IL26: variants seen among roughly 807,000 people sequenced by gnomAD.
IL26 encodes the protein interleukin-26.
IL26 carries 23 observed loss-of-function variants against 21.7 expected under a neutral mutation model. The observed-to-expected ratio is 1.06, with a 90% CI of 0.76 to 1.50. The LOEUF is 1.50. IL26 is among the 40% of genes most tolerant of loss of function. The pLI is 0.00. For synonymous variants in IL26, 63 were observed against 67.8 expected (o/e 0.93, Z 0.34); for missense variants, 204 against 196.0 (o/e 1.04, Z -0.24).
chr12:68,203,873 A>G (rs572182231), intron 3 of IL26, among the ~76,000 whole-genome samples: 1 of 152,204 alleles, frequency 6.6e-6, no homozygotes, highest in South Asian at 2.1e-4. Context: ...GCTCAGCTTA[A>G]GGTACAGTTT....
intron 3 of IL26, among the ~76,000 whole-genome samples, chr12:68,209,431 G>A (rs1460778185): frequency 6.6e-6 from 1 of 152,186 alleles, no homozygotes; most frequent in Non-Finnish European, 1.5e-5. Context: ...TTGAGATAAT[G>A]GAGAGTAGGT....
At chr12:68,210,402 C>T (rs912535168) in intron 3 of IL26, among the ~76,000 whole-genome samples, 1 of 82,238 alleles carries the variant, frequency 1.2e-5, no homozygotes, top group Non-Finnish European at 2.4e-5. Context: ...AGCACTAGGA[C>T]ACCAACACAA....
chr12:68,220,067 T>C (rs910013242), intron 3 of IL26, among the ~76,000 whole-genome samples: 2 of 152,078 alleles, frequency 1.3e-5, no homozygotes, highest in East Asian at 3.8e-4. Context: ...AAAAATAGAA[T>C]ACATAGTTTA....
chr12:68,210,709 A>G (rs965883976), intron 3 of IL26, among the ~76,000 whole-genome samples: 6 of 152,320 alleles, frequency 3.9e-5, no homozygotes, highest in African/African-American at 1.4e-4. Flanking sequence ...TAGGTAAGCT[A>G]GCTTACCTAG....
At chr12:68,206,359 T>C (rs1251573802) in intron 3 of IL26, among the ~76,000 whole-genome samples, 1 of 152,116 alleles carries the variant, frequency 6.6e-6, no homozygotes, top group African/African-American at 2.4e-5. Flanking sequence ...TTAGAGATGT[T>C]GTATATGGGG....
intron 3 of IL26, among the ~76,000 whole-genome samples, chr12:68,204,141 A>ATTTTTTTTTTTTTTT (rs6144754): frequency 6.2e-5 from 7 of 113,216 alleles, no homozygotes; most frequent in African/African-American, 1.4e-4. Context: ...GGATTCAAAG[A>ATTTTTTTTTTTTTTT]TTTTTTTTTT....
At chr12:68,209,602 C>A (rs964803951) in intron 3 of IL26, among the ~76,000 whole-genome samples, 4 of 152,260 alleles carry the variant, frequency 2.6e-5, no homozygotes, top group East Asian at 1.9e-4. Flanking sequence ...GTCAGGGTAG[C>A]CTTCCACCCT....
At position 68,225,445 on chromosome 12, in the gene IL26, A is replaced by G. The variant is rs531253927; in HGVS notation, c.227T>C (p.Met76Thr). ...AAAGAAGAAGACTTTCTGACTTACCATAAACTGCTTTTTTGTTTTCTTTTT... is the reference window on the plus strand; with the variant it reads ...AAAGAAGAAGACTTTCTGACTTACCGTAAACTGCTTTTTTGTTTTCTTTTT... ...LLKKKTKKQF[M>T]KNCQFQEQLL... Residue 76 changes from methionine to threonine, a missense_variant and splice_region_variant, in exon 2 of 5, where the codon ATG becomes ACG. Physicochemically the swap from Met to Thr is moderately conservative, Grantham distance 81. Coordinates refer to ENST00000229134, the MANE Select transcript of IL26 (RefSeq NM_018402.2). The G allele has an allele frequency of 1.0e-5, 16 of 1,576,416 alleles. No homozygotes were observed. In the Admixed American group the frequency reaches 1.7e-4, roughly 17 times the overall value.
intron 3 of IL26, among the ~76,000 whole-genome samples, chr12:68,218,868 T>C (rs1451755454): frequency 6.6e-6 from 1 of 151,910 alleles, no homozygotes; most frequent in Non-Finnish European, 1.5e-5. Flanking sequence ...CATAGCACAC[T>C]AACATCAATC....
At chr12:68,211,541 C>A (rs1372414562) in intron 3 of IL26, among the ~76,000 whole-genome samples, 3 of 152,122 alleles carry the variant, frequency 2.0e-5, no homozygotes. Flanking sequence ...GCCAGGGTTC[C>A]CCTTTCTCTA....
intron 3 of IL26, among the ~76,000 whole-genome samples, chr12:68,202,890 G>A (rs1010617309): frequency 7.9e-5 from 12 of 152,146 alleles, no homozygotes; most frequent in Admixed American, 4.6e-4. Context: ...ATGCTCCTCC[G>A]AGGCAAGAGA....
intron 3 of IL26, among the ~76,000 whole-genome samples, chr12:68,222,244 T>G (rs1338703948): frequency 6.6e-6 from 1 of 152,252 alleles, no homozygotes; most frequent in African/African-American, 2.4e-5. Context: ...AATTACTGGA[T>G]TCTTCAAATG....
At chr12:68,222,684 G>GC (rs1869088526) in intron 3 of IL26, among the ~76,000 whole-genome samples, 1 of 152,110 alleles carries the variant, frequency 6.6e-6, no homozygotes, top group African/African-American at 2.4e-5. Flanking sequence ...AGAACGGAAG[G>GC]CCCCCTCTCA....
intron 3 of IL26, among the ~76,000 whole-genome samples, chr12:68,221,811 G>A (rs1238790318): frequency 6.6e-6 from 1 of 152,026 alleles, no homozygotes; most frequent in Non-Finnish European, 1.5e-5. Flanking sequence ...AATGAGATTT[G>A]GTAATATAGT....
intron 3 of IL26, among the ~76,000 whole-genome samples, chr12:68,216,745 A>G (rs1868896285): frequency 6.6e-6 from 1 of 152,236 alleles, no homozygotes; most frequent in South Asian, 2.1e-4. Context: ...TGGAAACACA[A>G]TATTCTGTTT....
chr12:68,221,964 C>T (rs1008277677), intron 3 of IL26, among the ~76,000 whole-genome samples: 1 of 152,032 alleles, frequency 6.6e-6, no homozygotes, highest in Non-Finnish European at 1.5e-5. Context: ...CCTAATTCAG[C>T]ATGTAATCAA....
intron 3 of IL26, 136 bp downstream of exon 3, chr12:68,225,013 A>T: frequency 1.4e-6 from 1 of 723,658 alleles, no homozygotes; most frequent in Non-Finnish European, 2.2e-6. Context: ...CCTGGTGATG[A>T]CCTCTCCATT....
intron 3 of IL26, among the ~76,000 whole-genome samples, chr12:68,212,703 A>G (rs1203553797): frequency 2.0e-5 from 3 of 151,720 alleles, no homozygotes; most frequent in African/African-American, 4.8e-5. Flanking sequence ...TCTTTTTTAT[A>G]TTGTTCACTG....
At position 68,225,195 on chromosome 12, in the gene IL26, C is replaced by A. The variant is rs1303290770; in HGVS notation, c.317G>T (p.Arg106Leu). ...AAGGCTATGAAAGTCCTCCACAAAG[C>A]GTATTTTCTTGCAGCCTTGCAATTG... is the stretch of plus-strand genomic sequence containing the variant. ...QLQLQGCKKI[R>L]FVEDFHSLRQ... Residue 106 changes from arginine (R) to leucine (L), a missense_variant, in exon 3 of 5, where the codon CGC (arginine) becomes CTC (leucine). By Grantham distance (102) the Arg-to-Leu change is moderately radical. Coordinates refer to ENST00000229134, the MANE Select transcript of IL26 (RefSeq NM_018402.2). 6.2e-7 allele frequency: 1 copy of A among 1,613,816 alleles called. No homozygotes were observed. The highest frequency in any genetic ancestry group is 1.3e-5 in the African/African-American group (1 of 74,920).
Sources: allele counts gnomAD v4.1 joint callset (sites outside exome capture counted in the v4.1 genomes callset), GRCh38; gene constraint gnomAD v4.1.1; transcripts MANE v1.5; gene names NCBI Gene and HGNC (gene_info 2026-07-23, HGNC 2026-07-21).